The following WASF3 variants were observed in gnomAD, a reference collection of about 807,000 sequenced individuals.
WASF3 encodes the protein actin-binding protein WASF3.
Under a neutral mutation model 46.6 loss-of-function variants are expected in WASF3, and 11 were observed. The observed-to-expected ratio is 0.24, with a 90% CI of 0.15 to 0.39. The LOEUF is 0.39. Among genes scored for constraint, WASF3 ranks in the 10% least tolerant of loss-of-function variants. The pLI is 1.00. For missense variants in WASF3, 576 were observed against 669.8 expected, an observed-to-expected ratio of 0.86 and a Z score of 1.55; for synonymous variants, 242 against 259.7, an observed-to-expected ratio of 0.93 and a Z score of 0.65.
chr13:26,633,214 TTTC>T (rs1881710959), intron 2 of WASF3, among the ~76,000 whole-genome samples: 1 of 145,662 alleles, frequency 6.9e-6, no homozygotes, highest in African/African-American at 2.5e-5. Flanking sequence ...TTTTTTTTTT[TTTC>T]TTGAGGCAGA....
intron 3 of WASF3, among the ~76,000 whole-genome samples, chr13:26,652,426 T>G (rs1000112625): frequency 2.0e-5 from 3 of 152,148 alleles, no homozygotes; most frequent in African/African-American, 7.2e-5. Context: ...AGTTGGAGAT[T>G]TTAACAAGTA....
At chr13:26,683,548 C>T (rs1448927530) in intron 9 of WASF3, among the ~76,000 whole-genome samples, 2 of 150,992 alleles carry the variant, frequency 1.3e-5, no homozygotes, top group African/African-American at 2.4e-5. Flanking sequence ...CTGAAGTGAT[C>T]GATTAATTAA....
chr13:26,565,062 G>A (rs1879420730), intron 1 of WASF3, among the ~76,000 whole-genome samples: 1 of 151,680 alleles, frequency 6.6e-6, no homozygotes, highest in South Asian at 2.1e-4. Context: ...GTCTCACTCT[G>A]TTGCCCAGAC....
chr13:26,635,877 G>A (rs1881802092), intron 2 of WASF3, among the ~76,000 whole-genome samples: 1 of 152,212 alleles, frequency 6.6e-6, no homozygotes, highest in Non-Finnish European at 1.5e-5. Context: ...TGCGTCCTCT[G>A]AAAGCTTTAT....
chr13:26,667,713 GAGAGCTGGGC>G, intron 5 of WASF3, 43 bp downstream of exon 5: 4 of 1,590,410 alleles, frequency 2.5e-6, no homozygotes, highest in Non-Finnish European at 2.6e-6. Flanking sequence ...GAGATGAGGG[GAGAGCTGGGC>G]AGAGCTGGGA....
intron 1 of WASF3, among the ~76,000 whole-genome samples, chr13:26,567,721 T>A (rs1295493639): frequency 6.6e-6 from 1 of 151,786 alleles, no homozygotes; most frequent in Non-Finnish European, 1.5e-5. Flanking sequence ...TATATATATA[T>A]AATCTCCCTT....
At chr13:26,621,977 A>G (rs1881320190) in intron 2 of WASF3, among the ~76,000 whole-genome samples, 1 of 151,936 alleles carries the variant, frequency 6.6e-6, no homozygotes, top group Non-Finnish European at 1.5e-5. Flanking sequence ...GCATTGTGTC[A>G]CTCTACTCTA....
intron 1 of WASF3, among the ~76,000 whole-genome samples, chr13:26,579,353 T>G (rs1593377105): frequency 2.0e-5 from 3 of 152,160 alleles, no homozygotes; most frequent in South Asian, 2.1e-4. Context: ...TTATAGTAAT[T>G]ATTATTTTTT....
intron 1 of WASF3, among the ~76,000 whole-genome samples, chr13:26,564,542 T>G (rs1879399522): frequency 6.6e-6 from 1 of 152,238 alleles, no homozygotes; most frequent in Non-Finnish European, 1.5e-5. Context: ...GGCAGTTCCA[T>G]TTTAGTTCCT....
At chr13:26,680,169 A>G in intron 7 of WASF3, 2 of 1,593,598 alleles carry the variant, frequency 1.3e-6, no homozygotes, top group Non-Finnish European at 1.7e-6. Flanking sequence ...TGGAGCAGGC[A>G]GGGAGCGCCA....
chr13:26,545,325 C>T, the WASF3 span, among the ~76,000 whole-genome samples: 4 of 152,130 alleles, frequency 2.6e-5, no homozygotes, highest in Non-Finnish European at 5.9e-5. Context: ...AATATTCTTT[C>T]ATGGATTTTC....
chr13:26,624,302 C>A (rs1192054580), intron 2 of WASF3, among the ~76,000 whole-genome samples: 1 of 151,990 alleles, frequency 6.6e-6, no homozygotes, highest in Non-Finnish European at 1.5e-5. Flanking sequence ...AATGTAAAAA[C>A]AAATTGGGTT....
intron 4 of WASF3, among the ~76,000 whole-genome samples, chr13:26,666,774 C>CTGT (rs1882784869): frequency 6.8e-6 from 1 of 148,078 alleles, no homozygotes; most frequent in Non-Finnish European, 1.5e-5. Context: ...TGGCGGGTGC[C>CTGT]TGTAGTCCCA....
At chr13:26,607,793 G>C (rs1203363445) in intron 1 of WASF3, among the ~76,000 whole-genome samples, 1 of 152,002 alleles carries the variant, frequency 6.6e-6, no homozygotes, top group Non-Finnish European at 1.5e-5. Context: ...GGGCCCCCAT[G>C]CCTAGCTAAT....
In WASF3 at chr13:26,604,603, A is replaced by G. The variant is rs1880736852; in HGVS notation, c.-108-8358A>G. Among the ~76,000 whole-genome samples, 3 of 152,052 alleles carry G rather than the reference A, an allele frequency of 2.0e-5. No individual in the cohort carries two copies. In the South Asian group the frequency reaches 6.2e-4, roughly 31 times the overall value. On this transcript the variant is annotated intron_variant, in intron 1 of 9. Coordinates refer to ENST00000335327, the MANE Select transcript of WASF3 (RefSeq NM_006646.6). ...AGTAAGTTACTGAACTATAAAAAAA[A>G]GAAGGAGTCCATTTAGTAGCAAAAT...
chr13:26,610,051 C>T (rs992699734), intron 1 of WASF3, among the ~76,000 whole-genome samples: 3 of 152,206 alleles, frequency 2.0e-5, no homozygotes, highest in African/African-American at 7.2e-5. Context: ...CTCTGGGACA[C>T]TGTCACTGTG....
In WASF3 at chr13:26,655,892, G is replaced by A. The variant is rs74040642; in HGVS notation, c.134-9136G>A. 8.8e-3 allele frequency among the ~76,000 whole-genome samples: 1,342 copies of A among 152,200 alleles called. 28 individuals are homozygous for A. Among genetic ancestry groups the A allele is most frequent in the African/African-American group, 0.03 (1,230 of 41,534 alleles). On this transcript the variant is annotated intron_variant, in intron 3 of 9. Transcript: ENST00000335327. ...CAATCTCGGAAGTAAAGTCCTTTGA[G>A]TACCTTACTCTTTCTAGCACAGCAA...
At chr13:26,683,651 G>C (rs1883313456) in intron 9 of WASF3, among the ~76,000 whole-genome samples, 1 of 151,472 alleles carries the variant, frequency 6.6e-6, no homozygotes, top group Non-Finnish European at 1.5e-5. Context: ...AAAAAAAAGA[G>C]TTTGTGCTGG....
intron 1 of WASF3, among the ~76,000 whole-genome samples, chr13:26,611,970 T>C (rs2137223543): frequency 6.6e-6 from 1 of 152,234 alleles, no homozygotes; most frequent in East Asian, 1.9e-4. Context: ...TTTTCTTCCA[T>C]AATGAAATGG....
Sources: gnomAD v4.1 joint callset for allele counts (sites outside exome capture counted in the v4.1 genomes callset) on GRCh38, gnomAD v4.1.1 for gene constraint, MANE v1.5 for transcripts, NCBI Gene and HGNC (gene_info 2026-07-23, HGNC 2026-07-21) for gene names.